The following CD2AP variants were observed in gnomAD, a reference collection of about 807,000 sequenced individuals.
CD2AP encodes CD2 associated protein, also known as CD2-associated protein.
In CD2AP, 46 loss-of-function variants were observed where a neutral mutation model predicts 85.1. That is an observed-to-expected ratio of 0.54 (90% confidence interval 0.43 to 0.69). CD2AP has a LOEUF of 0.69. Among genes scored for constraint, CD2AP ranks in the 30% least tolerant of loss-of-function variants. The pLI is 0.00. For missense variants in CD2AP, 769 were observed against 729.5 expected (o/e 1.05, Z -0.62); for synonymous variants, 255 against 252.9 (o/e 1.01, Z -0.08).
rs967165955 is a variant in CD2AP at position 47,496,994 on chromosome 6, A to T, written c.5-6286A>T. Among the ~76,000 whole-genome samples the T allele has an allele frequency of 4.6e-5, 7 of 152,112 alleles. No individual in the cohort carries two copies. The East Asian group carries it at 7.7e-4, about 17-fold the overall frequency. ...TTCCTTTACGAACCTCCCTCTCTCA[A>T]TTCTTTTTCGGAATTATTATCCTTT... is the stretch of plus-strand genomic sequence containing the variant. On this transcript the variant is annotated intron_variant, in intron 1 of 17. Transcript: ENST00000359314.
intron 17 of CD2AP, among the ~76,000 whole-genome samples, chr6:47,622,531 C>A (rs1769782482): frequency 6.6e-6 from 1 of 152,122 alleles, no homozygotes; most frequent in Admixed American, 6.6e-5. Flanking sequence ...CTTCCTCTAC[C>A]CCCCTTGTAT....
chr6:47,545,902 A>G (rs1019299448), intron 4 of CD2AP, among the ~76,000 whole-genome samples: 3 of 152,178 alleles, frequency 2.0e-5, no homozygotes, highest in African/African-American at 4.8e-5. Context: ...TACCCAAATG[A>G]GAAGGAATCA....
chr6:47,611,367 T>C (rs1419631731), intron 16 of CD2AP, among the ~76,000 whole-genome samples: 8 of 114,590 alleles, frequency 7.0e-5, no homozygotes, highest in Non-Finnish European at 1.4e-4. Flanking sequence ...CTATAAAACT[T>C]TTTCTATGGA....
At chr6:47,624,157 G>A (rs1338766421) in intron 17 of CD2AP, 29 bp from the exon 18 acceptor site, 1 of 1,557,444 alleles carries the variant, frequency 6.4e-7, no homozygotes, top group Admixed American at 1.7e-5. Flanking sequence ...GATATTTTAT[G>A]TTTGCTCAAT....
intron 13 of CD2AP, among the ~76,000 whole-genome samples, chr6:47,604,469 G>T (rs1286024600): frequency 1.3e-5 from 2 of 151,722 alleles, no homozygotes; most frequent in Non-Finnish European, 2.9e-5. Context: ...ATTTTTCTTT[G>T]TCTTTTCCTG....
intron 8 of CD2AP, among the ~76,000 whole-genome samples, chr6:47,578,045 GT>G (rs1243630368): frequency 1.4e-5 from 1 of 68,980 alleles, no homozygotes; most frequent in Non-Finnish European, 4.3e-5. Context: ...TACCTTTTTT[GT>G]TTTAGTGGCA....
chr6:47,616,167 C>T (rs1769581293), intron 17 of CD2AP, among the ~76,000 whole-genome samples: 3 of 143,256 alleles, frequency 2.1e-5, no homozygotes, highest in African/African-American at 8.0e-5. Context: ...TCTTGGCTCA[C>T]TGTAACCACC....
rs78391024 is a variant in CD2AP, at chr6:47,582,577, A to G, written c.1108+512A>G. On this transcript the variant is annotated intron_variant, in intron 11 of 17. Transcript: ENST00000359314. ...TTCTCATTGCACATAAAGATTTGCA[A>G]TGATTGTCACTAGTAGATTAGTTTA... Among the ~76,000 whole-genome samples, 488 of 152,286 alleles carry G rather than the reference A, an allele frequency of 3.2e-3. 13 individuals are homozygous for G. In the East Asian group the frequency reaches 0.064, roughly 20 times the overall value.
chr6:47,580,852 T>C lies in CD2AP; in HGVS notation c.1009-12T>C. ...AACTGGTCAGCCGTTTCCACCATTATTATTTTAACAGAAACCAAAGAAACC... is the reference window on the plus strand; with the variant it reads ...AACTGGTCAGCCGTTTCCACCATTACTATTTTAACAGAAACCAAAGAAACC... On this transcript the variant is annotated splice_polypyrimidine_tract_variant and intron_variant, in intron 9 of 17. Coordinates refer to ENST00000359314, the MANE Select transcript of CD2AP (RefSeq NM_012120.3). The C allele has an allele frequency of 6.3e-7, 1 of 1,598,488 alleles. No homozygotes were observed.
chr6:47,499,690 A>T (rs557064990), intron 1 of CD2AP, among the ~76,000 whole-genome samples: 1 of 152,280 alleles, frequency 6.6e-6, no homozygotes, highest in East Asian at 1.9e-4. Flanking sequence ...AAATGAATAA[A>T]AAGCTAACTG....
intron 2 of CD2AP, among the ~76,000 whole-genome samples, chr6:47,505,413 C>T (rs1388205340): frequency 6.7e-6 from 1 of 150,268 alleles, no homozygotes; most frequent in Non-Finnish European, 1.5e-5. Flanking sequence ...AATGAAAAGT[C>T]TCCCATGTCT....
At chr6:47,538,584 A>C (rs1404999381) in intron 3 of CD2AP, among the ~76,000 whole-genome samples, 2 of 152,222 alleles carry the variant, frequency 1.3e-5, no homozygotes, top group African/African-American at 4.8e-5. Flanking sequence ...TAATTAAATA[A>C]ATTTTAATGC....
intron 1 of CD2AP, among the ~76,000 whole-genome samples, chr6:47,496,385 T>A (rs1303731061): frequency 2.0e-5 from 3 of 152,220 alleles, no homozygotes; most frequent in African/African-American, 7.2e-5. Flanking sequence ...TTCCTCTTTG[T>A]CTTTCACTTT....
intron 2 of CD2AP, among the ~76,000 whole-genome samples, chr6:47,505,615 G>C (rs1386364616): frequency 1.5e-4 from 3 of 19,710 alleles, no homozygotes; most frequent in Admixed American, 5.0e-4. Context: ...CTGGCCGGGC[G>C]GGGGGGGCTG....
intron 1 of CD2AP, among the ~76,000 whole-genome samples, chr6:47,499,814 C>T (rs1363416055): frequency 2.6e-5 from 4 of 152,242 alleles, no homozygotes; most frequent in Admixed American, 6.5e-5. Flanking sequence ...CTGCAACTTT[C>T]GCCTCCCGGG....
intron 1 of CD2AP, among the ~76,000 whole-genome samples, chr6:47,478,517 C>T (rs1486529397): frequency 2.0e-5 from 3 of 146,532 alleles, no homozygotes; most frequent in Admixed American, 6.8e-5. Context: ...GGATGGGGGG[C>T]GGGGGCGCCT....
At chr6:47,619,391 A>T (rs1044423938) in intron 17 of CD2AP, among the ~76,000 whole-genome samples, 1 of 152,218 alleles carries the variant, frequency 6.6e-6, no homozygotes, top group East Asian at 1.9e-4. Flanking sequence ...GTCACTGCAG[A>T]TGCTGTTAAT....
intron 1 of CD2AP, among the ~76,000 whole-genome samples, chr6:47,481,358 G>GT (rs1195904338): frequency 3.3e-5 from 5 of 152,006 alleles, no homozygotes; most frequent in South Asian, 4.2e-4. Context: ...TTGTTTGTTT[G>GT]TTTTTTTGAT....
At chr6:47,608,972 T>C in intron 15 of CD2AP, 151 bp from the exon 16 acceptor site, 1 of 563,766 alleles carries the variant, frequency 1.8e-6, no homozygotes, top group Non-Finnish European at 3.1e-6. Flanking sequence ...TGTCTGGTGA[T>C]TTTTCCAGTT....
Sources: allele counts gnomAD v4.1 joint callset (sites outside exome capture counted in the v4.1 genomes callset), GRCh38; gene constraint gnomAD v4.1.1; transcripts MANE v1.5; gene names NCBI Gene and HGNC (gene_info 2026-07-23, HGNC 2026-07-21).